CSMD1: variants seen among roughly 807,000 people sequenced by gnomAD.
The protein encoded by CSMD1 is CUB and Sushi multiple domains 1.
In CSMD1, 213 loss-of-function variants were observed where a neutral mutation model predicts 417.5. The ratio of observed to expected loss-of-function variants is 0.51; its 90% CI spans 0.46 to 0.57. The LOEUF is 0.57. Ranked by LOEUF, CSMD1 falls within the 20% of genes least tolerant of loss-of-function variation. The pLI, the probability that CSMD1 is intolerant of heterozygous loss-of-function variation, is 0.00. For synonymous variants in CSMD1, 2,862 were observed against 1,736.8 expected (o/e 1.65, Z -16.11); for missense variants, 6,923 against 4,529.7 (o/e 1.53, Z -15.17).
intron 3 of CSMD1, among the ~76,000 whole-genome samples, chr8:4,070,099 C>G (rs1299796700): frequency 6.6e-6 from 1 of 151,666 alleles, no homozygotes; most frequent in Non-Finnish European, 1.5e-5. Flanking sequence ...AAAGAAACAC[C>G]CAAGATTTTT....
intron 10 of CSMD1, among the ~76,000 whole-genome samples, chr8:3,503,771 C>G (rs1499694): frequency 0.82 from 123,346 of 150,962 alleles, 50,434 homozygotes; most frequent in South Asian, 0.89. Context: ...CCTGTGGTTT[C>G]AAAATGGCCT....
intron 3 of CSMD1, among the ~76,000 whole-genome samples, chr8:4,050,730 G>A (rs183751886): frequency 2.6e-5 from 4 of 152,116 alleles, no homozygotes; most frequent in African/African-American, 7.2e-5. Flanking sequence ...GTGAGTAAAT[G>A]AATTAAGTCA....
intron 7 of CSMD1, among the ~76,000 whole-genome samples, chr8:3,631,508 C>T (rs2406985): frequency 0.51 from 77,200 of 151,658 alleles, 20,489 homozygotes; most frequent in East Asian, 0.89. Flanking sequence ...CCGGGAATAG[C>T]TTAGGGGATT....
chr8:4,329,867 CACACACAG>C (rs1324299951), intron 3 of CSMD1, among the ~76,000 whole-genome samples: 3 of 151,588 alleles, frequency 2.0e-5, no homozygotes, highest in African/African-American at 7.3e-5. Context: ...CACACACACA[CACACACAG>C]ACACACACAC....
At chr8:3,609,811 C>CTTTTTTTT (rs71534362) in intron 8 of CSMD1, among the ~76,000 whole-genome samples, 23 of 75,274 alleles carry the variant, frequency 3.1e-4, no homozygotes, top group Non-Finnish European at 4.2e-4. Flanking sequence ...AGTATCTTCC[C>CTTTTTTTT]TTTTTTTTTT....
intron 38 of CSMD1, among the ~76,000 whole-genome samples, chr8:3,160,362 A>G (rs1346238168): frequency 1.3e-5 from 2 of 152,166 alleles, no homozygotes; most frequent in Admixed American, 6.5e-5. Context: ...GATTCAAGCA[A>G]TCCTCTGACT....
At chr8:4,966,367 G>T (rs983166457) in intron 1 of CSMD1, among the ~76,000 whole-genome samples, 4 of 152,068 alleles carry the variant, frequency 2.6e-5, no homozygotes, top group African/African-American at 9.7e-5. Flanking sequence ...CAACAAGAGT[G>T]AAACTCCATC....
chr8:4,790,453 C>G (rs1434745202), intron 1 of CSMD1, among the ~76,000 whole-genome samples: 2 of 152,118 alleles, frequency 1.3e-5, no homozygotes, highest in Non-Finnish European at 2.9e-5. Flanking sequence ...CTACCAATAA[C>G]ATTTTCCACA....
chr8:3,581,620 C>T (rs1015918354), intron 9 of CSMD1, among the ~76,000 whole-genome samples: 1 of 152,170 alleles, frequency 6.6e-6, no homozygotes. Context: ...ATCAGTCCTT[C>T]CTGGATGCAC....
intron 10 of CSMD1, among the ~76,000 whole-genome samples, chr8:3,568,235 C>T: frequency 6.6e-6 from 1 of 152,084 alleles, no homozygotes; most frequent in East Asian, 1.9e-4. Context: ...GTATTTATTT[C>T]CCTAATCAAA....
At chr8:3,462,940 G>C (rs1033737344) in intron 12 of CSMD1, among the ~76,000 whole-genome samples, 8 of 152,178 alleles carry the variant, frequency 5.3e-5, no homozygotes, top group African/African-American at 1.2e-4. Context: ...CCTGTGAACA[G>C]GATTAGTGCC....
intron 1 of CSMD1, among the ~76,000 whole-genome samples, chr8:4,794,522 A>C (rs1326097908): frequency 6.6e-6 from 1 of 151,958 alleles, no homozygotes; most frequent in Non-Finnish European, 1.5e-5. Flanking sequence ...TCTCCTCTCC[A>C]TCTCTGCCTG....
At chr8:4,019,633 T>C (rs187225428) in intron 4 of CSMD1, among the ~76,000 whole-genome samples, 256 of 152,288 alleles carry the variant, frequency 1.7e-3, no homozygotes, top group African/African-American at 5.7e-3. Context: ...TTGAAATGCA[T>C]GAGGTTAGAA....
At chr8:3,554,507 C>T (rs73176995) in intron 10 of CSMD1, among the ~76,000 whole-genome samples, 12,968 of 152,100 alleles carry the variant, frequency 0.085, 590 homozygotes, top group East Asian at 0.13. Context: ...AGCAAGGCCA[C>T]ATAAATGTGG....
intron 5 of CSMD1, among the ~76,000 whole-genome samples, chr8:3,926,079 CCATACACACACACACA>C (rs1809666491): frequency 6.1e-5 from 5 of 81,430 alleles, no homozygotes; most frequent in African/African-American, 2.8e-4. Flanking sequence ...CACACAAACA[CCATACACACACACACA>C]CACACACACA....
At chr8:4,285,915 T>C (rs1279266572) in intron 3 of CSMD1, among the ~76,000 whole-genome samples, 1 of 152,198 alleles carries the variant, frequency 6.6e-6, no homozygotes, top group Admixed American at 6.5e-5. Context: ...TTAAATACCA[T>C]CTGCACAAAC....
At chr8:4,392,275 T>C (rs1327620600) in intron 3 of CSMD1, among the ~76,000 whole-genome samples, 2 of 152,206 alleles carry the variant, frequency 1.3e-5, no homozygotes, top group African/African-American at 4.8e-5. Flanking sequence ...TGCATGTAGC[T>C]GATAATATAT....
intron 3 of CSMD1, among the ~76,000 whole-genome samples, chr8:4,082,799 G>A (rs532036562): frequency 1.1e-4 from 14 of 125,330 alleles, no homozygotes; most frequent in African/African-American, 4.4e-4. Flanking sequence ...ACAATGTGAT[G>A]TTCCCTTTCC....
intron 50 of CSMD1, among the ~76,000 whole-genome samples, chr8:3,050,669 C>T (rs921490168): frequency 6.6e-6 from 1 of 151,968 alleles, no homozygotes; most frequent in African/African-American, 2.4e-5. Flanking sequence ...CCAAGAAATA[C>T]TAATGTTGAT....
Sources: gnomAD v4.1 joint callset for allele counts (sites outside exome capture counted in the v4.1 genomes callset) on GRCh38, gnomAD v4.1.1 for gene constraint, MANE v1.5 for transcripts, NCBI Gene and HGNC (gene_info 2026-07-23, HGNC 2026-07-21) for gene names.